The following EDEM3 variants were observed in gnomAD, a reference collection of about 807,000 sequenced individuals.
EDEM3 encodes the protein ER degradation-enhancing alpha-mannosidase-like protein 3.
A neutral mutation model predicts 110.2 loss-of-function variants in EDEM3; 60 were observed. The observed-to-expected ratio is 0.54, with a 90% CI of 0.44 to 0.67. The LOEUF (loss-of-function observed/expected upper bound fraction) is 0.67. EDEM3 is among the 30% of genes least tolerant of loss of function. The pLI, the probability that EDEM3 is intolerant of heterozygous loss-of-function variation, is 0.00. For synonymous variants in EDEM3, 352 were observed against 382.9 expected, an observed-to-expected ratio of 0.92 and a Z score of 0.94; for missense variants, 996 against 1,121.0, an observed-to-expected ratio of 0.89 and a Z score of 1.59.
chr1:184,699,533 T>A (rs1453381484), intron 19 of EDEM3, among the ~76,000 whole-genome samples: 1 of 151,842 alleles, frequency 6.6e-6, no homozygotes, highest in African/African-American at 2.4e-5. Context: ...CCAGGTAGAG[T>A]TCATCTGCAT....
intron 16 of EDEM3, among the ~76,000 whole-genome samples, chr1:184,708,906 T>C (rs529015755): frequency 3.7e-4 from 57 of 152,228 alleles, no homozygotes; most frequent in Non-Finnish European, 8.2e-4. Context: ...CAATTGATTC[T>C]GCTTGTGTGT....
At chr1:184,709,709 A>AG (rs1650121859) in intron 16 of EDEM3, among the ~76,000 whole-genome samples, 1 of 152,210 alleles carries the variant, frequency 6.6e-6, no homozygotes, top group Non-Finnish European at 1.5e-5. Flanking sequence ...TACTCTTAAA[A>AG]GAAGGAAGGA....
intron 18 of EDEM3, among the ~76,000 whole-genome samples, chr1:184,706,244 G>T (rs1304508020): frequency 6.6e-6 from 1 of 152,118 alleles, no homozygotes; most frequent in African/African-American, 2.4e-5. Context: ...TCATGTGTCT[G>T]CCTCCAAAGC....
intron 17 of EDEM3, 136 bp downstream of exon 17, chr1:184,708,017 T>C: frequency 2.6e-6 from 2 of 774,440 alleles, no homozygotes; most frequent in South Asian, 2.4e-5. Flanking sequence ...GCTTTTACTT[T>C]ACTTAAATCC....
intron 4 of EDEM3, among the ~76,000 whole-genome samples, chr1:184,736,093 T>C (rs1651806875): frequency 1.3e-5 from 2 of 152,216 alleles, no homozygotes; most frequent in South Asian, 4.1e-4. Flanking sequence ...AATCGTGATT[T>C]TTCTCAACCA....
At chr1:184,740,526 A>G (rs994370983) in intron 2 of EDEM3, among the ~76,000 whole-genome samples, 3 of 152,220 alleles carry the variant, frequency 2.0e-5, no homozygotes, top group Non-Finnish European at 4.4e-5. Flanking sequence ...TACTTCTTTC[A>G]AAGTCTGTCA....
chr1:184,723,675 TA>T, intron 8 of EDEM3, 75 bp downstream of exon 8: 1 of 1,137,494 alleles, frequency 8.8e-7, no homozygotes, highest in Non-Finnish European at 1.3e-6. Context: ...AAGATTATTT[TA>T]ACAAATGAAA....
chr1:184,751,495 C>T (rs537097671), intron 1 of EDEM3, among the ~76,000 whole-genome samples: 1 of 152,282 alleles, frequency 6.6e-6, no homozygotes, highest in Admixed American at 6.5e-5. Context: ...ACACTATTTT[C>T]CAATCCTTAC....
intron 19 of EDEM3, among the ~76,000 whole-genome samples, chr1:184,695,184 T>C (rs1374487443): frequency 1.3e-5 from 2 of 151,988 alleles, no homozygotes; most frequent in Non-Finnish European, 2.9e-5. Flanking sequence ...TACAAGAAAG[T>C]GCTTAAATAG....
At chr1:184,741,805 T>C (rs1652156800) in intron 2 of EDEM3, among the ~76,000 whole-genome samples, 2 of 152,352 alleles carry the variant, frequency 1.3e-5, no homozygotes, top group Admixed American at 1.3e-4. Flanking sequence ...GGCTGTCTTT[T>C]GCCTTATTGG....
intron 2 of EDEM3, among the ~76,000 whole-genome samples, chr1:184,738,289 T>C (rs184755558): frequency 1.7e-4 from 26 of 152,312 alleles, no homozygotes; most frequent in African/African-American, 5.8e-4. Flanking sequence ...CTCTAATTCA[T>C]GGATGAAAAA....
chr1:184,703,767 T>C (rs145637622), intron 18 of EDEM3, among the ~76,000 whole-genome samples: 8 of 152,252 alleles, frequency 5.3e-5, no homozygotes, highest in South Asian at 2.1e-4. Context: ...TTGGTAATAA[T>C]TGATTAGACA....
chr1:184,724,903 G>T (rs570040285), intron 7 of EDEM3, among the ~76,000 whole-genome samples: 5 of 152,214 alleles, frequency 3.3e-5, no homozygotes, highest in Admixed American at 6.5e-5. Context: ...ATTAGACCAA[G>T]GGTCAGCAAA....
chr1:184,732,753 G>A, intron 6 of EDEM3, 84 bp downstream of exon 6: 4 of 1,355,484 alleles, frequency 3.0e-6, no homozygotes, highest in Non-Finnish European at 2.0e-6. Context: ...AGCTGGTGAA[G>A]AACAATGGCT....
Position 184,712,457 on chromosome 1 carries a change from A to T in EDEM3, c.1512T>A (p.Asn504Lys), listed in dbSNP as rs1055928537. The T allele has an allele frequency of 6.3e-7, 1 of 1,595,376 alleles. No homozygotes were observed. The highest frequency in any genetic ancestry group is 1.4e-5 in the African/African-American group (1 of 73,734). ...HLLPLWLSTT[N>K]QSISKKNTTS... is the part of the protein sequence containing the mutation. Reference sequence around the variant, plus strand: ...CTGTGTTCTTTTTAGAGATGCTTTGATTTGTAGTAGAGAGCCAAAGAGGTA... The same window carrying T: ...CTGTGTTCTTTTTAGAGATGCTTTGTTTTGTAGTAGAGAGCCAAAGAGGTA... Residue 504 changes from asparagine (N) to lysine (K), a missense_variant, in exon 14 of 20, where the codon AAT (asparagine) becomes AAA (lysine). Physicochemically the swap from Asn to Lys is moderately conservative, Grantham distance 94. Coordinates refer to ENST00000318130, the MANE Select transcript of EDEM3 (RefSeq NM_025191.4).
intron 17 of EDEM3, 151 bp from the exon 18 acceptor site, chr1:184,706,959 T>A: frequency 1.2e-6 from 1 of 851,580 alleles, no homozygotes; most frequent in Non-Finnish European, 1.7e-6. Flanking sequence ...AAATATTGTT[T>A]TAAACATTTT....
chr1:184,715,224 G>A (rs1294222685), intron 13 of EDEM3, among the ~76,000 whole-genome samples: 1 of 152,124 alleles, frequency 6.6e-6, no homozygotes, highest in Non-Finnish European at 1.5e-5. Context: ...ATCAGAATGG[G>A]GCAATGTCAG....
intron 2 of EDEM3, among the ~76,000 whole-genome samples, chr1:184,739,376 TTTAA>T (rs1226431713): frequency 1.3e-5 from 2 of 149,918 alleles, no homozygotes; most frequent in Non-Finnish European, 3.0e-5. Context: ...TAAATTAAAT[TTTAA>T]TTATTTTATC....
Position 184,708,146 on chromosome 1 carries a change from T to C in EDEM3, c.2037+7A>G. 6.2e-7 allele frequency: 1 copy of C among 1,604,926 alleles called. No individual in the cohort carries two copies. The highest frequency in any genetic ancestry group is 1.1e-5 in the South Asian group (1 of 89,286). ...AGTTTCAACAACTATATTTTAAGTA[T>C]ACATACCTCTTTATGTTTAGACAGA... is the stretch of plus-strand genomic sequence containing the variant. On this transcript the variant is annotated splice_region_variant and intron_variant, in intron 17 of 19. Transcript: ENST00000318130.
Sources: allele counts gnomAD v4.1 joint callset (sites outside exome capture counted in the v4.1 genomes callset), GRCh38; gene constraint gnomAD v4.1.1; transcripts MANE v1.5; gene names NCBI Gene and HGNC (gene_info 2026-07-23, HGNC 2026-07-21).